KHDRBS2: variants seen among roughly 807,000 people sequenced by gnomAD.
The protein encoded by KHDRBS2 is KH RNA binding domain containing, signal transduction associated 2.
KHDRBS2 carries 26 observed loss-of-function variants against 44.3 expected under a neutral mutation model. The ratio of observed to expected loss-of-function variants is 0.59; its 90% CI spans 0.43 to 0.81. The LOEUF is 0.81. KHDRBS2 is among the 40% of genes least tolerant of loss of function. KHDRBS2 has a pLI of 0.00. For synonymous variants in KHDRBS2, 194 were observed against 151.1 expected (o/e 1.28, Z -2.08); for missense variants, 476 against 433.1 (o/e 1.10, Z -0.88).
rs1207979675 is a variant in KHDRBS2, at chr6:62,228,635, T to C, written c.92-51323A>G. Among the ~76,000 whole-genome samples, 5 of 152,212 alleles carry C rather than the reference T, an allele frequency of 3.3e-5. No individual in the cohort carries two copies. In the South Asian group the frequency reaches 1.0e-3, roughly 32 times the overall value. ...TTAATTGTGATATTATGCTGTTGATTTGAGGTCTTTCTAGCTTTCTTATGT... is the reference window on the plus strand; with the variant it reads ...TTAATTGTGATATTATGCTGTTGATCTGAGGTCTTTCTAGCTTTCTTATGT... On this transcript the variant is annotated intron_variant, in intron 1 of 8. Coordinates refer to ENST00000281156, the MANE Select transcript of KHDRBS2 (RefSeq NM_152688.4).
In KHDRBS2 at chr6:61,770,794, T is replaced by C. The variant is rs193266254; in HGVS notation, c.811-38030A>G. 7.9e-5 allele frequency among the ~76,000 whole-genome samples: 12 copies of C among 152,262 alleles called. No individual in the cohort carries two copies. The East Asian group carries it at 1.7e-3, about 22-fold the overall frequency. On this transcript the variant is annotated intron_variant, in intron 6 of 8. Transcript: ENST00000281156. ...ATTATCCAGGAGAACTTCCCCAATC[T>C]AGCAAGGCAGGCCAACATTCAAATT...
chr6:61,958,323 G>C (rs1002273927), intron 4 of KHDRBS2, among the ~76,000 whole-genome samples: 39 of 152,144 alleles, frequency 2.6e-4, no homozygotes, highest in African/African-American at 8.9e-4. Flanking sequence ...AAGAAGAGGA[G>C]TAGGTTCCCC....
chr6:62,123,630 A>G (rs1808241035), intron 2 of KHDRBS2, among the ~76,000 whole-genome samples: 1 of 152,236 alleles, frequency 6.6e-6, no homozygotes, highest in South Asian at 2.1e-4. Context: ...AATAATTTAC[A>G]CCACTCAGCA....
chr6:61,893,332 T>C (rs1802330603), intron 6 of KHDRBS2, among the ~76,000 whole-genome samples: 1 of 152,170 alleles, frequency 6.6e-6, no homozygotes, highest in South Asian at 2.1e-4. Flanking sequence ...ATTGTGGAAG[T>C]TGGTGTGGCC....
intron 1 of KHDRBS2, among the ~76,000 whole-genome samples, chr6:62,267,837 T>A (rs1316685489): frequency 6.6e-6 from 1 of 152,034 alleles, no homozygotes; most frequent in East Asian, 1.9e-4. Context: ...CATACATTCA[T>A]ACACAAAATA....
At chr6:61,800,234 T>C (rs1044290572) in intron 6 of KHDRBS2, among the ~76,000 whole-genome samples, 1 of 152,140 alleles carries the variant, frequency 6.6e-6, no homozygotes, top group Non-Finnish European at 1.5e-5. Context: ...CTAAATTTTA[T>C]ATTTTTGTTA....
the KHDRBS2 span, among the ~76,000 whole-genome samples, chr6:61,567,131 C>T: frequency 6.6e-6 from 1 of 152,144 alleles, no homozygotes; most frequent in African/African-American, 2.4e-5. Flanking sequence ...GACAAGGATG[C>T]TATCTGTTTC....
intron 2 of KHDRBS2, among the ~76,000 whole-genome samples, chr6:62,163,003 G>C (rs1051956358): frequency 1.2e-4 from 19 of 152,034 alleles, no homozygotes; most frequent in Non-Finnish European, 2.6e-4. Context: ...AAGTAAGTAA[G>C]TCTTGGAGAG....
intron 6 of KHDRBS2, among the ~76,000 whole-genome samples, chr6:61,809,959 A>T (rs1167454812): frequency 6.6e-6 from 1 of 152,102 alleles, no homozygotes. Context: ...ATCTCAAGAA[A>T]ATTGATGTTG....
At chr6:61,607,065 A>G in the KHDRBS2 span, among the ~76,000 whole-genome samples, 1 of 152,182 alleles carries the variant, frequency 6.6e-6, no homozygotes, top group Non-Finnish European at 1.5e-5. Context: ...TATAGAAAAT[A>G]GGAAAAAACT....
At chr6:62,147,439 C>A (rs796196060) in intron 2 of KHDRBS2, among the ~76,000 whole-genome samples, 1 of 151,764 alleles carries the variant, frequency 6.6e-6, no homozygotes, top group Non-Finnish European at 1.5e-5. Context: ...TACCACTTCC[C>A]ACAAGTCACT....
chr6:61,790,221 T>C lies in KHDRBS2; in HGVS notation c.811-57457A>G, dbSNP rs983983904. On this transcript the variant is annotated intron_variant, in intron 6 of 8. Transcript: ENST00000281156. The stretch of plus-strand genomic sequence containing the variant: ...GTAAAAGTAAAATATTAGAAGGATT[T>C]CCTCATTGGGTGCTCACCAGAGTGC... 5.9e-5 allele frequency among the ~76,000 whole-genome samples: 9 copies of C among 151,540 alleles called. No individual in the cohort carries two copies. The South Asian group carries it at 1.0e-3, about 17-fold the overall frequency.
At chr6:61,887,992 T>C (rs756804890) in intron 6 of KHDRBS2, among the ~76,000 whole-genome samples, 1 of 152,138 alleles carries the variant, frequency 6.6e-6, no homozygotes, top group African/African-American at 2.4e-5. Context: ...GAAAATATAA[T>C]ACAAGACAGG....
chr6:61,868,631 C>T (rs903761706), intron 6 of KHDRBS2, among the ~76,000 whole-genome samples: 7 of 151,998 alleles, frequency 4.6e-5, no homozygotes, highest in East Asian at 1.9e-4. Flanking sequence ...GGGCAGGGGT[C>T]GGGGGAAGGT....
intron 1 of KHDRBS2, among the ~76,000 whole-genome samples, chr6:62,283,293 A>C (rs1234293113): frequency 6.6e-6 from 1 of 152,142 alleles, no homozygotes; most frequent in East Asian, 1.9e-4. Context: ...TGGACCCCCC[A>C]AAAACCCCAA....
chr6:61,971,373 T>C (rs1016979953), intron 4 of KHDRBS2, among the ~76,000 whole-genome samples: 4 of 152,186 alleles, frequency 2.6e-5, no homozygotes, highest in African/African-American at 9.6e-5. Flanking sequence ...AGTTTCAAAG[T>C]AGTAAAATGA....
chr6:62,055,674 G>A (rs1470587379), intron 2 of KHDRBS2, among the ~76,000 whole-genome samples: 2 of 152,014 alleles, frequency 1.3e-5, no homozygotes, highest in Non-Finnish European at 2.9e-5. Context: ...AGAATAGTGT[G>A]TTGTCAACTC....
At chr6:62,148,375 T>C (rs982571959) in intron 2 of KHDRBS2, among the ~76,000 whole-genome samples, 3 of 152,002 alleles carry the variant, frequency 2.0e-5, no homozygotes, top group African/African-American at 7.2e-5. Flanking sequence ...ATAAAGATAG[T>C]CCTTAACCTT....
intron 1 of KHDRBS2, among the ~76,000 whole-genome samples, chr6:62,275,457 T>C (rs1287189436): frequency 1.3e-5 from 2 of 152,212 alleles, no homozygotes; most frequent in Admixed American, 6.5e-5. Context: ...CTAATGTCTT[T>C]CCATTTATCA....
Sources: allele counts gnomAD v4.1 joint callset (sites outside exome capture counted in the v4.1 genomes callset), GRCh38; gene constraint gnomAD v4.1.1; transcripts MANE v1.5; gene names NCBI Gene and HGNC (gene_info 2026-07-23, HGNC 2026-07-21).